The following SPHKAP variants were observed in gnomAD, a reference collection of about 807,000 sequenced individuals.
The protein encoded by SPHKAP is A-kinase anchor protein SPHKAP.
In SPHKAP, 67 loss-of-function variants were observed where a neutral mutation model predicts 137.5. That is an observed-to-expected ratio of 0.49 (90% confidence interval 0.40 to 0.60). SPHKAP has a LOEUF of 0.60. Ranked by LOEUF, SPHKAP falls within the 20% of genes least tolerant of loss-of-function variation. The pLI, the probability that SPHKAP is intolerant of heterozygous loss-of-function variation, is 0.00. For synonymous variants in SPHKAP, 813 were observed against 785.3 expected, an observed-to-expected ratio of 1.04 and a Z score of -0.59; for missense variants, 2,097 against 2,069.3, an observed-to-expected ratio of 1.01 and a Z score of -0.26.
chr2:228,050,008 C>G (rs1696199660), intron 3 of SPHKAP, among the ~76,000 whole-genome samples: 1 of 151,940 alleles, frequency 6.6e-6, no homozygotes, highest in African/African-American at 2.4e-5. Context: ...AAACAAATAA[C>G]CCCATTAAAA....
intron 3 of SPHKAP, among the ~76,000 whole-genome samples, chr2:228,044,934 A>G (rs898251076): frequency 3.9e-5 from 6 of 152,190 alleles, no homozygotes; most frequent in Admixed American, 2.6e-4. Flanking sequence ...AAAAGTGGGC[A>G]AAGGATATGA....
At chr2:228,046,870 C>T (rs901696848) in intron 3 of SPHKAP, among the ~76,000 whole-genome samples, 1 of 152,152 alleles carries the variant, frequency 6.6e-6, no homozygotes, top group Non-Finnish European at 1.5e-5. Context: ...TGGGCAAGGG[C>T]AGCTGAGCAT....
intron 1 of SPHKAP, among the ~76,000 whole-genome samples, chr2:228,152,841 T>G (rs373302594): frequency 3.9e-5 from 6 of 152,208 alleles, no homozygotes; most frequent in African/African-American, 1.4e-4. Context: ...ACATTTTAAC[T>G]CCCCTAATAT....
intron 11 of SPHKAP, chr2:227,982,441 T>G: frequency 1.2e-6 from 1 of 863,876 alleles, no homozygotes; most frequent in Non-Finnish European, 1.4e-6. Flanking sequence ...ACCTTAGATT[T>G]GTCACCTGGG....
At chr2:228,060,804 C>A (rs1335834822) in intron 3 of SPHKAP, among the ~76,000 whole-genome samples, 1 of 151,976 alleles carries the variant, frequency 6.6e-6, no homozygotes, top group African/African-American at 2.4e-5. Context: ...GAGGCATTCC[C>A]CAGAGAAAGG....
intron 7 of SPHKAP, chr2:227,995,961 C>G: frequency 2.0e-6 from 2 of 985,284 alleles, no homozygotes; most frequent in Non-Finnish European, 2.4e-6. Flanking sequence ...TGTATGTAGC[C>G]TGGCCTACAC....
chr2:228,041,661 AAAAAG>A (rs1202007773), intron 3 of SPHKAP, among the ~76,000 whole-genome samples: 56 of 150,528 alleles, frequency 3.7e-4, no homozygotes, highest in African/African-American at 1.2e-3. Context: ...AAAAAAAAAA[AAAAAG>A]AAAAAAGAAA....
At position 228,020,026 on chromosome 2, in the gene SPHKAP, A is replaced by G. The variant is rs367593935; in HGVS notation, c.828T>C (p.Tyr276=). The G allele has an allele frequency of 1.7e-5, 28 of 1,614,000 alleles. No homozygotes were observed. Among genetic ancestry groups the G allele is most frequent in the Non-Finnish European group, 2.3e-5 (27 of 1,180,034 alleles). Residue 276 remains tyrosine (Y), a synonymous_variant, in exon 7 of 12, where the codon TAT becomes TAC. Coordinates refer to ENST00000392056, the MANE Select transcript of SPHKAP (RefSeq NM_001142644.2). The part of the protein sequence containing the change: ...YALEDKYINK[Y]PTPLIKTERS... The stretch of plus-strand genomic sequence containing the variant: ...GTTCTGTTTTAATCAATGGTGTGGG[A>G]TATTTGTTGATGTATTTGTCTTCCA...
chr2:228,175,260 G>A (rs1310345820), intron 1 of SPHKAP, among the ~76,000 whole-genome samples: 1 of 151,892 alleles, frequency 6.6e-6, no homozygotes, highest in East Asian at 1.9e-4. Context: ...TTGGATCTAT[G>A]CAAATGAAAT....
At position 227,990,821 on chromosome 2, in the gene SPHKAP, C is replaced by T. The variant is rs111717545; in HGVS notation, c.4959+179G>A. 2.6e-3 allele frequency: 1,668 copies of T among 644,222 alleles called. 19 individuals are homozygous for T. The highest frequency in any genetic ancestry group is 0.022 in the East Asian group (768 of 35,264). The allele number at this position is 644,222 out of a possible 1,614,324, so 39.9% of individuals were successfully genotyped here. On this transcript the variant is annotated intron_variant, in intron 11 of 11. Transcript: ENST00000392056. ...CAAGACAAAGTAAGGATCAAAGAAA[C>T]GCTAAGTATATTATATTTACACAGG...
chr2:228,133,522 TG>T lies in SPHKAP; in HGVS notation c.33-1438del, dbSNP rs757452833. On this transcript the variant is annotated intron_variant, in intron 1 of 11. Transcript: ENST00000392056. ...AATATAATAATTTGGACTTTTAAAA[TG>T]TACTGATAGCTTAGGTCTATTGGTT... Among the ~76,000 whole-genome samples the T allele has an allele frequency of 2.6e-5, 4 of 152,320 alleles. No homozygotes were observed. In the East Asian group the frequency reaches 7.7e-4, roughly 29 times the overall value.
chr2:228,087,359 A>T (rs773742454), intron 3 of SPHKAP, among the ~76,000 whole-genome samples: 8 of 152,234 alleles, frequency 5.3e-5, no homozygotes, highest in Admixed American at 1.3e-4. Flanking sequence ...ATGTTATCTA[A>T]GATGTTCAGT....
At chr2:228,107,795 T>C (rs1698389279) in intron 3 of SPHKAP, among the ~76,000 whole-genome samples, 1 of 152,210 alleles carries the variant, frequency 6.6e-6, no homozygotes, top group East Asian at 1.9e-4. Context: ...CACTTAATTC[T>C]TTGTGTTTTC....
chr2:228,067,208 C>A (rs143013921), intron 3 of SPHKAP, among the ~76,000 whole-genome samples: 3 of 152,322 alleles, frequency 2.0e-5, no homozygotes, highest in African/African-American at 7.2e-5. Flanking sequence ...ACATTTGCAT[C>A]TTCTGTCTGA....
intron 3 of SPHKAP, among the ~76,000 whole-genome samples, chr2:228,032,293 T>C (rs185077619): frequency 1.6e-4 from 25 of 151,852 alleles, no homozygotes; most frequent in African/African-American, 5.8e-4. Context: ...TGATGGAAGA[T>C]GAAATGAATG....
chr2:228,170,393 T>C (rs2106426905), intron 1 of SPHKAP, among the ~76,000 whole-genome samples: 1 of 152,254 alleles, frequency 6.6e-6, no homozygotes, highest in East Asian at 1.9e-4. Context: ...AGTTCTACTA[T>C]GGGCAAAATG....
Position 228,181,525 on chromosome 2 carries a change from T to C in SPHKAP, c.32+42A>G. 1.2e-6 allele frequency: 2 copies of C among 1,613,968 alleles called. No homozygotes were observed. The highest frequency in any genetic ancestry group is 1.7e-6 in the Non-Finnish European group (2 of 1,179,896). ...AGCGACTCACAACGCGGAACGGAGTTTGATCGACATGGTATTGGGCATAGA... is the reference window on the plus strand; with the variant it reads ...AGCGACTCACAACGCGGAACGGAGTCTGATCGACATGGTATTGGGCATAGA... On this transcript the variant is annotated intron_variant, in intron 1 of 11. Coordinates refer to ENST00000392056, the MANE Select transcript of SPHKAP (RefSeq NM_001142644.2). This position sits in a 1 kb window ranked among gnomAD's most constrained non-coding sequence, Gnocchi z 4.3.
intron 7 of SPHKAP, among the ~76,000 whole-genome samples, chr2:228,007,292 A>G (rs569397032): frequency 3.8e-4 from 58 of 152,302 alleles, no homozygotes; most frequent in Non-Finnish European, 5.6e-4. Flanking sequence ...AAGAATATCC[A>G]TCATGCCAAA....
intron 3 of SPHKAP, among the ~76,000 whole-genome samples, chr2:228,060,799 A>G (rs544293946): frequency 5.3e-4 from 81 of 152,330 alleles, no homozygotes; most frequent in African/African-American, 1.9e-3. Flanking sequence ...TGGAAGAGGC[A>G]TTCCCCAGAG....
Sources: allele counts gnomAD v4.1 joint callset (sites outside exome capture counted in the v4.1 genomes callset), GRCh38; gene constraint gnomAD v4.1.1; non-coding constraint Gnocchi (gnomAD v3.1); transcripts MANE v1.5; gene names NCBI Gene and HGNC (gene_info 2026-07-23, HGNC 2026-07-21).